PLEKHA8: variants seen among roughly 807,000 people sequenced by gnomAD.
PLEKHA8 encodes the protein pleckstrin homology domain-containing family A member 8.
A neutral mutation model predicts 68.2 loss-of-function variants in PLEKHA8; 36 were observed. The observed-to-expected ratio is 0.53, with a 90% CI of 0.40 to 0.70. The LOEUF (loss-of-function observed/expected upper bound fraction) is 0.70. Among genes scored for constraint, PLEKHA8 ranks in the 30% least tolerant of loss-of-function variants. PLEKHA8 has a pLI of 0.00. For missense variants in PLEKHA8, 505 were observed against 615.4 expected, an observed-to-expected ratio of 0.82 and a Z score of 1.90; for synonymous variants, 211 against 216.1, an observed-to-expected ratio of 0.98 and a Z score of 0.20.
At chr7:30,042,405 A>G (rs542860717) in intron 1 of PLEKHA8, among the ~76,000 whole-genome samples, 2 of 152,254 alleles carry the variant, frequency 1.3e-5, no homozygotes, top group African/African-American at 4.8e-5. Flanking sequence ...TAAATTTGAT[A>G]AAATACAGTA....
At chr7:30,125,781 T>A (rs1796762194) in intron 13 of PLEKHA8, among the ~76,000 whole-genome samples, 1 of 152,240 alleles carries the variant, frequency 6.6e-6, no homozygotes, top group Admixed American at 6.5e-5. Context: ...ACTTCATATA[T>A]TTGGTATATT....
Position 30,045,118 on chromosome 7 carries a change from G to T in PLEKHA8, c.74G>T (p.Gly25Val). 1 of 1,610,116 alleles carries T rather than the reference G, an allele frequency of 6.2e-7. No individual in the cohort carries two copies. Among genetic ancestry groups the T allele is most frequent in the Non-Finnish European group, 8.5e-7 (1 of 1,178,364 alleles). ...WQPRWFLLCG[G>V]ILSYYDSPED... The stretch of plus-strand genomic sequence containing the variant: ...CCTCGATGGTTCCTTCTCTGTGGGG[G>T]AATATTGTCCTATTATGATTCTCCT... The change falls in exon 2 of 14, where the codon GGA becomes GTA. Residue 25 changes from glycine to valine, a missense_variant. By Grantham distance (109) the Gly-to-Val change is moderately radical. Transcript: ENST00000449726.
chr7:30,055,670 G>C (rs1792788542), intron 9 of PLEKHA8, among the ~76,000 whole-genome samples: 1 of 147,750 alleles, frequency 6.8e-6, no homozygotes, highest in Non-Finnish European at 1.5e-5. Context: ...TGTTTTACCA[G>C]TTAAAACTTT....
At chr7:30,122,682 G>A (rs934053373) in intron 13 of PLEKHA8, among the ~76,000 whole-genome samples, 1 of 152,160 alleles carries the variant, frequency 6.6e-6, no homozygotes, top group Non-Finnish European at 1.5e-5. Context: ...AATCAAATTG[G>A]AGCTGGGGTT....
At chr7:30,075,362 A>G (rs907023253) in intron 13 of PLEKHA8, among the ~76,000 whole-genome samples, 1 of 152,216 alleles carries the variant, frequency 6.6e-6, no homozygotes, top group Non-Finnish European at 1.5e-5. Context: ...AATGGCTACC[A>G]TGTAGCTATT....
Position 30,055,326 on chromosome 7 carries a change from T to C in PLEKHA8, c.1023T>C (p.Ala341=). Residue 341 remains alanine, a synonymous_variant, in exon 9 of 14, where the codon GCT becomes GCC. Coordinates refer to ENST00000449726, the MANE Select transcript of PLEKHA8 (RefSeq NM_001197026.2). Reference sequence around the variant, plus strand: ...AAGCATTCTTGGCATCATGTTATGCTGTGGTTCCAGTATTAGGTAAGATTC... The same window carrying C: ...AAGCATTCTTGGCATCATGTTATGCCGTGGTTCCAGTATTAGGTAAGATTC... ...PTEAFLASCY[A]VVPVLDKLGP... 6.2e-7 allele frequency: 1 copy of C among 1,614,100 alleles called. No individual in the cohort carries two copies. Among genetic ancestry groups the C allele is most frequent in the Non-Finnish European group, 8.5e-7 (1 of 1,179,936 alleles).
At chr7:30,112,954 T>C (rs1796319501) in intron 13 of PLEKHA8, among the ~76,000 whole-genome samples, 1 of 152,032 alleles carries the variant, frequency 6.6e-6, no homozygotes, top group Non-Finnish European at 1.5e-5. Flanking sequence ...CTAAAGTTTA[T>C]CAGTATCTCT....
chr7:30,049,468 A>G (rs1792236281), intron 5 of PLEKHA8, 86 bp downstream of exon 5: 1 of 1,492,718 alleles, frequency 6.7e-7, no homozygotes, highest in Non-Finnish European at 9.0e-7. Flanking sequence ...ATTACCCTTT[A>G]GTGACTTATA....
In PLEKHA8 at chr7:30,097,642, G is replaced by A. The variant is rs552471532; in HGVS notation, c.1362+23510G>A. 2.2e-3 allele frequency among the ~76,000 whole-genome samples: 335 copies of A among 152,118 alleles called. 3 individuals are homozygous for A. The highest frequency in any genetic ancestry group is 5.9e-3 in the African/African-American group (244 of 41,488). On this transcript the variant is annotated intron_variant, in intron 13 of 13. Coordinates refer to the PLEKHA8 transcript ENST00000396257. ...GTTGGCTACTGAGGCTTGTGCATTC[G>A]TCACATAGTTCTCGTGCCGTGGTTT...
At position 30,080,212 on chromosome 7, in the gene PLEKHA8, T is replaced by C. The variant is rs1794854126; in HGVS notation, c.*1425T>C. On this transcript the variant is annotated 3_prime_UTR_variant, in exon 14 of 14. Transcript: ENST00000449726. ...TAAACTTCTTAAAACTTAAGAAACATTGTTTCATAAAACAATATTGAGTGG... is the reference window on the plus strand; with the variant it reads ...TAAACTTCTTAAAACTTAAGAAACACTGTTTCATAAAACAATATTGAGTGG... 1 of 985,304 alleles carries C rather than the reference T, an allele frequency of 1.0e-6. No individual in the cohort carries two copies. Among genetic ancestry groups the C allele is most frequent in the Non-Finnish European group, 1.2e-6 (1 of 829,910 alleles). 61.0% of individuals were successfully genotyped at this position (985,304 alleles called of 1,614,324 possible). A position where few individuals can be genotyped will look rare whatever the true frequency, so the allele number is the denominator to read the frequency against.
chr7:30,115,551 T>C lies in PLEKHA8; in HGVS notation c.1363-13715T>C, dbSNP rs540727500. 1.1e-3 allele frequency among the ~76,000 whole-genome samples: 58 copies of C among 50,816 alleles called. 1 individual carries two copies. The highest frequency in any genetic ancestry group is 0.012 in the Middle Eastern group (1 of 84). The allele number at this position is 50,816 out of a possible 152,430, so 33.3% of individuals were successfully genotyped here. On this transcript the variant is annotated intron_variant, in intron 13 of 13. Transcript: ENST00000396257. ...ATGTAGACATATGTACACATGCACG[T>C]ATACATGTAGACATATGTATACATG...
chr7:30,092,115 A>G (rs903798416), downstream of PLEKHA8, among the ~76,000 whole-genome samples: 1 of 152,204 alleles, frequency 6.6e-6, no homozygotes, highest in Non-Finnish European at 1.5e-5. Flanking sequence ...GTATGAAAAG[A>G]TGATCACAGG....
chr7:30,062,061 CT>C, intron 11 of PLEKHA8, 34 bp downstream of exon 11: 1 of 1,577,504 alleles, frequency 6.3e-7, no homozygotes, highest in South Asian at 1.2e-5. Context: ...CAGTTAAAAT[CT>C]AGCTCAAAAA....
chr7:30,036,117 G>C (rs893036720), intron 1 of PLEKHA8, among the ~76,000 whole-genome samples: 1 of 151,878 alleles, frequency 6.6e-6, no homozygotes, highest in African/African-American at 2.4e-5. Context: ...TTAGCTGGGC[G>C]TGATGGCACA....
chr7:30,054,978 G>GTA, intron 8 of PLEKHA8, 113 bp downstream of exon 8: 1 of 1,054,428 alleles, frequency 9.5e-7, no homozygotes, highest in South Asian at 1.6e-5. Flanking sequence ...AGAGAATGTG[G>GTA]TATACCAAGT....
intron 13 of PLEKHA8, among the ~76,000 whole-genome samples, chr7:30,127,346 T>C (rs1466068854): frequency 2.0e-5 from 3 of 152,134 alleles, no homozygotes; most frequent in Non-Finnish European, 2.9e-5. Flanking sequence ...TTGGAGGAAT[T>C]TAAGAAGAAA....
rs765247470 is a variant in PLEKHA8 at position 30,046,364 on chromosome 7, AG to A, written c.313+1del. Reference protein sequence around the residue: ...LTDSRTQKEKEFAENTENLKT... With the variant: ...LTDSRTQKEKXFAENTENLKT... ...CTGACAGTAGGACCCAGAAGGAGAA[AG>A]GCAAGTACTGATTGTCCTTTGCTGT... On this transcript the variant is annotated frameshift_variant and splice_region_variant, in exon 3 of 14. Transcript: ENST00000449726. LOFTEE classifies it high-confidence loss of function. 1 of 1,599,806 alleles carries A rather than the reference AG, an allele frequency of 6.3e-7. No homozygotes were observed. Among genetic ancestry groups the A allele is most frequent in the South Asian group, 1.1e-5 (1 of 88,542 alleles).
Position 30,055,335 on chromosome 7 carries a change from A to T in PLEKHA8, c.1032A>T (p.Pro344=). 2 of 1,613,874 alleles carry T rather than the reference A, an allele frequency of 1.2e-6. No individual in the cohort carries two copies. Among genetic ancestry groups the T allele is most frequent in the Non-Finnish European group, 1.7e-6 (2 of 1,179,742 alleles). The change falls in exon 9 of 14, where the codon CCA becomes CCT. Residue 344 remains proline, a synonymous_variant. Coordinates refer to ENST00000449726, the MANE Select transcript of PLEKHA8 (RefSeq NM_001197026.2). ...AFLASCYAVV[P]VLDKLGPTVF... is the part of the protein sequence containing the mutation. The stretch of plus-strand genomic sequence containing the variant: ...TGGCATCATGTTATGCTGTGGTTCC[A>T]GTATTAGGTAAGATTCCTGCAGTTG...
intron 12 of PLEKHA8, 106 bp from the exon 13 acceptor site, chr7:30,073,965 G>A: frequency 1.2e-6 from 1 of 861,266 alleles, no homozygotes; most frequent in Non-Finnish European, 1.8e-6. Flanking sequence ...TAGCCTAGGT[G>A]ACAGAGCAAG....
Sources: gnomAD v4.1 joint callset for allele counts (sites outside exome capture counted in the v4.1 genomes callset) on GRCh38, gnomAD v4.1.1 for gene constraint, MANE v1.5 for transcripts, NCBI Gene and HGNC (gene_info 2026-07-23, HGNC 2026-07-21) for gene names.